The following ITGB8 variants were observed in gnomAD, a reference collection of about 807,000 sequenced individuals.
ITGB8 encodes integrin beta-8.
ITGB8 carries 30 observed loss-of-function variants against 89.5 expected under a neutral mutation model. The observed-to-expected ratio is 0.34, with a 90% CI of 0.25 to 0.45. The LOEUF (loss-of-function observed/expected upper bound fraction) is 0.45, where lower values mean the gene tolerates loss of function less well. Ranked by LOEUF, ITGB8 falls within the 20% of genes least tolerant of loss-of-function variation. The probability of loss-of-function intolerance (pLI) is 1.00; values close to 1 mark genes in which losing one functional copy is unlikely to be tolerated. For missense variants in ITGB8, 836 were observed against 933.3 expected (o/e 0.90, Z 1.36); for synonymous variants, 335 against 320.4 (o/e 1.05, Z -0.49).
chr7:20,360,348 A>ATT (rs71020629), intron 1 of ITGB8, among the ~76,000 whole-genome samples: 1 of 127,720 alleles, frequency 7.8e-6, no homozygotes, highest in African/African-American at 3.0e-5. Context: ...CAGTCCTTTA[A>ATT]TTTTTTTTTT....
rs896965736 is a variant in ITGB8 at position 20,414,018 on chromosome 7, C to T, written c.*4021C>T. The T allele has an allele frequency of 4.0e-5, 6 of 151,754 alleles. No individual in the cohort carries two copies. In the South Asian group the frequency reaches 8.4e-4, roughly 21 times the overall value. The allele number at this position is 151,754 out of a possible 1,614,324, so 9.4% of individuals were successfully genotyped here. ...TTATGTATAACTGATTATACATATC[C>T]ATATTTATATTTCATTGATTCCAAG... On this transcript the variant is annotated 3_prime_UTR_variant, in exon 14 of 14. Transcript: ENST00000222573.
intron 1 of ITGB8, among the ~76,000 whole-genome samples, chr7:20,360,136 C>T (rs1785444208): frequency 6.6e-6 from 1 of 152,076 alleles, no homozygotes; most frequent in Non-Finnish European, 1.5e-5. Flanking sequence ...GAGATGGGAA[C>T]TAGAACTTTT....
At position 20,331,553 on chromosome 7, in the gene ITGB8, A is replaced by T. The variant is rs1784393950; in HGVS notation, c.-254A>T. 3 of 448,368 alleles carry T rather than the reference A, an allele frequency of 6.7e-6. No homozygotes were observed. The highest frequency in any genetic ancestry group is 6.3e-5 in the South Asian group (1 of 15,796). The allele number at this position is 448,368 out of a possible 1,614,324, so 27.8% of individuals were successfully genotyped here. On this transcript the variant is annotated 5_prime_UTR_variant, in exon 1 of 14. Coordinates refer to ENST00000222573, the MANE Select transcript of ITGB8 (RefSeq NM_002214.3). Reference sequence around the variant, plus strand: ...TCGCCGCCGGGGCCCTTGGCCGTCGAAGGAGGTGCTTCTCGCGGAGACCGC... The same window carrying T: ...TCGCCGCCGGGGCCCTTGGCCGTCGTAGGAGGTGCTTCTCGCGGAGACCGC...
chr7:20,362,448 A>C (rs901926822), intron 1 of ITGB8, among the ~76,000 whole-genome samples: 52 of 152,218 alleles, frequency 3.4e-4, no homozygotes, highest in African/African-American at 1.2e-3. Context: ...GATGGCAAAG[A>C]GAGATACTAA....
chr7:20,370,643 C>A (rs1316740250), intron 3 of ITGB8, among the ~76,000 whole-genome samples: 1 of 150,052 alleles, frequency 6.7e-6, no homozygotes, highest in African/African-American at 2.5e-5. Context: ...CGGAGTCTCC[C>A]TCTGTCACCC....
intron 1 of ITGB8, among the ~76,000 whole-genome samples, chr7:20,357,948 G>A (rs34496649): frequency 0.21 from 32,077 of 151,922 alleles, 4,266 homozygotes; most frequent in Non-Finnish European, 0.29. Flanking sequence ...TTTTGTTATC[G>A]TTGTTGTTTT....
At chr7:20,386,921 C>A (rs571349201) in intron 6 of ITGB8, among the ~76,000 whole-genome samples, 1 of 152,112 alleles carries the variant, frequency 6.6e-6, no homozygotes, top group Non-Finnish European at 1.5e-5. Flanking sequence ...TCAATGCATA[C>A]CCTTCTTCAG....
chr7:20,331,439 A>T lies in ITGB8; in HGVS notation c.-368A>T, dbSNP rs771397941. On this transcript the variant is annotated 5_prime_UTR_variant, in exon 1 of 14. Coordinates refer to ENST00000222573, the MANE Select transcript of ITGB8 (RefSeq NM_002214.3). Reference sequence around the variant, plus strand: ...GGCTCTTCGCTAAGCTGATTTATGCAGCAGAAGCCCCACCGGCTGGAGAGA... The same window carrying T: ...GGCTCTTCGCTAAGCTGATTTATGCTGCAGAAGCCCCACCGGCTGGAGAGA... 2.7e-4 allele frequency: 109 copies of T among 408,808 alleles called. No homozygotes were observed. Among genetic ancestry groups the T allele is most frequent in the Non-Finnish European group, 5.6e-5 (13 of 233,952 alleles). 25.3% of individuals were successfully genotyped at this position (408,808 alleles called of 1,614,324 possible). A position where few individuals can be genotyped will look rare whatever the true frequency, so the allele number is the denominator to read the frequency against.
intron 12 of ITGB8, 109 bp downstream of exon 12, chr7:20,406,280 G>A (rs1787539982): frequency 1.3e-5 from 9 of 718,152 alleles, no homozygotes; most frequent in South Asian, 1.1e-4. Context: ...GCCGGGTGTG[G>A]TGGCTCACAC....
chr7:20,372,030 CTT>C (rs201819477), intron 3 of ITGB8, among the ~76,000 whole-genome samples: 3 of 152,076 alleles, frequency 2.0e-5, no homozygotes, highest in African/African-American at 4.8e-5. Flanking sequence ...CTTCATCTCT[CTT>C]TTTTTGTGTG....
At chr7:20,408,277 T>A (rs1393425158) in intron 12 of ITGB8, among the ~76,000 whole-genome samples, 1 of 151,794 alleles carries the variant, frequency 6.6e-6, no homozygotes, top group Non-Finnish European at 1.5e-5. Context: ...TCTCTCTCTG[T>A]GAGACCTGTA....
intron 1 of ITGB8, among the ~76,000 whole-genome samples, chr7:20,348,837 A>G (rs1370383873): frequency 6.6e-6 from 1 of 152,242 alleles, no homozygotes; most frequent in African/African-American, 2.4e-5. Flanking sequence ...ATATGTTTGC[A>G]AAGCACTGTT....
At chr7:20,362,625 T>G (rs573749641) in intron 1 of ITGB8, among the ~76,000 whole-genome samples, 7 of 152,344 alleles carry the variant, frequency 4.6e-5, no homozygotes, top group Non-Finnish European at 7.3e-5. Context: ...TATATATGTC[T>G]CTTCTCTTCT....
chr7:20,338,103 C>A (rs992764807), intron 1 of ITGB8, among the ~76,000 whole-genome samples: 5 of 152,222 alleles, frequency 3.3e-5, no homozygotes, highest in African/African-American at 1.2e-4. Flanking sequence ...GCTTCACACA[C>A]TGCCCAGTTC....
At chr7:20,350,002 C>G (rs1255493261) in intron 1 of ITGB8, among the ~76,000 whole-genome samples, 2 of 152,214 alleles carry the variant, frequency 1.3e-5, no homozygotes, top group Non-Finnish European at 2.9e-5. Context: ...AAGATTTGCT[C>G]ATGCCTCTTT....
In ITGB8 at chr7:20,415,148, A is replaced by G. The variant is rs1364778923; in HGVS notation, c.*5151A>G. On this transcript the variant is annotated 3_prime_UTR_variant, in exon 14 of 14. Transcript: ENST00000222573. The stretch of plus-strand genomic sequence containing the variant: ...AAATTTTATTAAGAATATTGAGTAT[A>G]AAGTACTTTAATTCTAAATTATAAG... 6.6e-6 allele frequency: 1 copy of G among 152,512 alleles called. No homozygotes were observed. Among genetic ancestry groups the G allele is most frequent in the East Asian group, 1.9e-4 (1 of 5,206 alleles). 9.4% of individuals were successfully genotyped at this position (152,512 alleles called of 1,614,324 possible).
At chr7:20,397,061 T>G (rs1005719313) in intron 8 of ITGB8, among the ~76,000 whole-genome samples, 3 of 152,152 alleles carry the variant, frequency 2.0e-5, no homozygotes, top group African/African-American at 7.2e-5. Context: ...CATTGAAGAA[T>G]TATATAGAAT....
chr7:20,334,928 A>AT (rs1296075278), intron 1 of ITGB8, among the ~76,000 whole-genome samples: 1 of 152,146 alleles, frequency 6.6e-6, no homozygotes, highest in Non-Finnish European at 1.5e-5. Context: ...TAACCCTATG[A>AT]TTTTTTAAAG....
intron 1 of ITGB8, chr7:20,352,208 C>T (rs1785137308): frequency 6.6e-6 from 1 of 152,180 alleles, no homozygotes; most frequent in African/African-American, 2.4e-5. Flanking sequence ...ACTTTGATCC[C>T]TTTTTCAAGT....
Sources: allele counts gnomAD v4.1 joint callset (sites outside exome capture counted in the v4.1 genomes callset), GRCh38; gene constraint gnomAD v4.1.1; transcripts MANE v1.5; gene names NCBI Gene and HGNC (gene_info 2026-07-23, HGNC 2026-07-21).